Variants in RNASEL observed in about 807,000 individuals in gnomAD.
RNASEL encodes ribonuclease L.
Under a neutral mutation model 50.9 loss-of-function variants are expected in RNASEL, and 36 were observed. The observed-to-expected ratio is 0.71, with a 90% CI of 0.54 to 0.93. The LOEUF is 0.93. RNASEL is among the 40% of genes least tolerant of loss of function. The pLI, the probability that RNASEL is intolerant of heterozygous loss-of-function variation, is 0.00. For missense variants in RNASEL, 860 were observed against 894.5 expected (o/e 0.96, Z 0.49); for synonymous variants, 335 against 335.6 (o/e 1.00, Z 0.02).
rs1326812283 is a variant in RNASEL, at chr1:182,586,329, C to G, written c.478G>C (p.Asp160His). Residue 160 changes from aspartate (D) to histidine (H), a missense_variant, in exon 2 of 7, where the codon GAT becomes CAT. Physicochemically the swap from Asp to His is moderately conservative, Grantham distance 81. Transcript: ENST00000367559. ...NVNLRRKTKEDQERLRKGGAT... is the reference protein window; with the variant it reads ...NVNLRRKTKEHQERLRKGGAT... The stretch of plus-strand genomic sequence containing the variant: ...CCTCCTTTCCTCAGCCGCTCTTGAT[C>G]CTCCTTTGTCTTTCGCCTCAAATTC... 2 of 1,614,212 alleles carry G rather than the reference C, an allele frequency of 1.2e-6. No individual in the cohort carries two copies. The highest frequency in any genetic ancestry group is 3.3e-5 in the Admixed American group (2 of 60,020).
chr1:182,586,248 G>A lies in RNASEL; in HGVS notation c.559C>T (p.Leu187Phe). 1 of 1,614,170 alleles carries A rather than the reference G, an allele frequency of 6.2e-7. No individual in the cohort carries two copies. Among genetic ancestry groups the A allele is most frequent in the South Asian group, 1.1e-5 (1 of 91,086 alleles). The change falls in exon 2 of 7, where the codon CTC (leucine) becomes TTC (phenylalanine). Residue 187 changes from leucine (L) to phenylalanine (F), a missense_variant. By Grantham distance (22) the Leu-to-Phe change is conservative. Transcript: ENST00000367559. ...EKGHVEVLKI[L>F]LDEMGADVNA... ...ACATCTGCCCCCATCTCATCAAGGA[G>A]AATCTTCAAGACCTCTACGTGTCCT...
At position 182,586,336 on chromosome 1, in the gene RNASEL, T is replaced by G; in HGVS notation, c.471A>C (p.Thr157=). ...TCCTCAGCCGCTCTTGATCCTCCTTTGTCTTTCGCCTCAAATTCACATTTG... is the reference window on the plus strand; with the variant it reads ...TCCTCAGCCGCTCTTGATCCTCCTTGGTCTTTCGCCTCAAATTCACATTTG... ...RGANVNLRRK[T]KEDQERLRKG... The change falls in exon 2 of 7, where the codon ACA becomes ACC. Residue 157 remains threonine, a synonymous_variant. Transcript: ENST00000367559. 1 of 1,613,492 alleles carries G rather than the reference T, an allele frequency of 6.2e-7. No individual in the cohort carries two copies. Among genetic ancestry groups the G allele is most frequent in the South Asian group, 1.1e-5 (1 of 91,088 alleles).
In RNASEL at chr1:182,582,172, A is replaced by G. The variant is rs770065631; in HGVS notation, c.1653T>C (p.Val551=). The G allele has an allele frequency of 5.0e-6, 8 of 1,614,220 alleles. No individual in the cohort carries two copies. The highest frequency in any genetic ancestry group is 5.9e-6 in the Non-Finnish European group (7 of 1,180,040). The part of the protein sequence containing the change: ...DLKAQSNEEV[V]QLSPDEETKD... Reference sequence around the variant, plus strand: ...TAGTTTCCTCATCTGGAGAAAGTTGAACCACCTCTTCATTACTTTGAGCTT... The same window carrying G: ...TAGTTTCCTCATCTGGAGAAAGTTGGACCACCTCTTCATTACTTTGAGCTT... The change falls in exon 4 of 7, where the codon GTT becomes GTC. Residue 551 remains valine (V), a synonymous_variant. Coordinates refer to ENST00000367559, the MANE Select transcript of RNASEL (RefSeq NM_021133.4).
At chr1:182,585,222 C>A in intron 2 of RNASEL, 105 bp downstream of exon 2, 1 of 1,077,412 alleles carries the variant, frequency 9.3e-7, no homozygotes, top group Middle Eastern at 2.1e-4. Flanking sequence ...CAAATTGAAT[C>A]ATCCACATTT....
intron 1 of RNASEL, among the ~76,000 whole-genome samples, chr1:182,587,982 AC>A (rs1661632529): frequency 6.6e-6 from 1 of 152,230 alleles, no homozygotes; most frequent in Admixed American, 6.5e-5. Context: ...GACATTTAAC[AC>A]TTTATTATAA....
chr1:182,576,165 CT>C, intron 6 of RNASEL, 90 bp downstream of exon 6: 1 of 1,353,102 alleles, frequency 7.4e-7, no homozygotes, highest in Non-Finnish European at 1.0e-6. Context: ...AATAAATTTT[CT>C]TTTTTCCATC....
chr1:182,581,870 A>G (rs1661503784), intron 4 of RNASEL, among the ~76,000 whole-genome samples, 183 bp downstream of exon 4: 1 of 151,928 alleles, frequency 6.6e-6, no homozygotes, highest in African/African-American at 2.4e-5. Flanking sequence ...TCCCCTCCTT[A>G]TTCTTCAGAA....
At chr1:182,585,226 CA>C (rs1661568961) in intron 2 of RNASEL, 100 bp downstream of exon 2, 7 of 1,118,494 alleles carry the variant, frequency 6.3e-6, no homozygotes, top group Non-Finnish European at 7.9e-6. Context: ...TTGAATCATC[CA>C]CATTTACTCT....
Position 182,585,559 on chromosome 1 carries a change from G to T in RNASEL, c.1248C>A (p.His416Gln), listed in dbSNP as rs1466014202. ...SCLQSSRENS[H>Q]LVTFYGSESH... ...TCTCACTCCCATAGAATGTCACCAA[G>T]TGACTGTTCTCTCGGCTGCTTTGCA... The change falls in exon 2 of 7, where the codon CAC (histidine) becomes CAA (glutamine). Residue 416 changes from histidine to glutamine, a missense_variant. Physicochemically the swap from His to Gln is conservative, Grantham distance 24 (BLOSUM62 0). Transcript: ENST00000367559. The T allele has an allele frequency of 1.2e-6, 2 of 1,614,198 alleles. No individual in the cohort carries two copies. The highest frequency in any genetic ancestry group is 3.3e-5 in the Admixed American group (2 of 60,018).
intron 2 of RNASEL, 38 bp downstream of exon 2, chr1:182,585,289 C>T: frequency 6.2e-7 from 1 of 1,603,866 alleles, no homozygotes; most frequent in Non-Finnish European, 8.5e-7. Flanking sequence ...ACAAAGATCC[C>T]ACAATTTCTA....
In RNASEL at chr1:182,585,778, C is replaced by T. The variant is rs763357512; in HGVS notation, c.1029G>A (p.Trp343Ter). The change falls in exon 2 of 7, where the codon TGG (tryptophan) becomes TGA (stop). Residue 343 changes from tryptophan to a stop codon, truncating the protein, a stop_gained. Coordinates refer to ENST00000367559, the MANE Select transcript of RNASEL (RefSeq NM_021133.4). LOFTEE classifies it high-confidence loss of function. ...TGTGGAGATCCTTCAGGGCTGCCCCCCAGTGTGAGCTCTGAGGCTTCCAGT... is the reference window on the plus strand; with the variant it reads ...TGTGGAGATCCTTCAGGGCTGCCCCTCAGTGTGAGCTCTGAGGCTTCCAGT... ...AEDWKPQSSH[W>*]GAALKDLHRI... 4.3e-6 allele frequency: 7 copies of T among 1,614,076 alleles called. No homozygotes were observed. Among genetic ancestry groups the T allele is most frequent in the South Asian group, 2.2e-5 (2 of 91,076 alleles).
intron 4 of RNASEL, among the ~76,000 whole-genome samples, chr1:182,581,732 G>A (rs548530243): frequency 7.5e-4 from 114 of 151,862 alleles, no homozygotes; most frequent in African/African-American, 1.1e-3. Context: ...CACCCGCCTC[G>A]GCCTCCCAAA....
intron 3 of RNASEL, among the ~76,000 whole-genome samples, chr1:182,583,260 C>T (rs1435986608): frequency 6.6e-6 from 1 of 152,148 alleles, no homozygotes; most frequent in Non-Finnish European, 1.5e-5. Flanking sequence ...AGTAAGGGTC[C>T]ACAGTGACAG....
chr1:182,582,361 C>T (rs1028432271), intron 3 of RNASEL, 103 bp from the exon 4 acceptor site: 23 of 1,381,964 alleles, frequency 1.7e-5, no homozygotes, highest in Middle Eastern at 3.5e-4. Context: ...TGGGAGGAAT[C>T]TCAAGGAATT....
rs764686057 is a variant in RNASEL, at chr1:182,586,094, C to G, written c.713G>C (p.Arg238Thr). The G allele has an allele frequency of 4.3e-6, 7 of 1,614,146 alleles. No individual in the cohort carries two copies. The East Asian group carries it at 1.3e-4, about 31-fold the overall frequency. Reference sequence around the variant, plus strand: ...TGCCAGGATCAGGGGAGTCTTCCCTCTTTCTCCCCTCACATTGACATCAGC... The same window carrying G: ...TGCCAGGATCAGGGGAGTCTTCCCTGTTTCTCCCCTCACATTGACATCAGC... ...HGADVNVRGE[R>T]GKTPLILAVE... Residue 238 changes from arginine to threonine, a missense_variant, in exon 2 of 7, where the codon AGA becomes ACA. Coordinates refer to ENST00000367559, the MANE Select transcript of RNASEL (RefSeq NM_021133.4).
chr1:182,580,600 T>C (rs759627984), intron 5 of RNASEL, among the ~76,000 whole-genome samples: 2 of 152,224 alleles, frequency 1.3e-5, no homozygotes, highest in Non-Finnish European at 2.9e-5. Context: ...ATAATTGGTA[T>C]TGTATAGATG....
Position 182,575,199 on chromosome 1 carries a change from T to C in RNASEL, c.*193A>G. The C allele has an allele frequency of 1.6e-6, 1 of 608,242 alleles. No individual in the cohort carries two copies. 37.7% of individuals were successfully genotyped at this position (608,242 alleles called of 1,614,324 possible). A position where few individuals can be genotyped will look rare whatever the true frequency, so the allele number is the denominator to read the frequency against. On this transcript the variant is annotated 3_prime_UTR_variant, in exon 7 of 7. Transcript: ENST00000367559. ...CCTCCCAGTTAGTGGGTAAAGCTTA[T>C]GGACTAGTGTAGTCTGGGTATATAT...
At chr1:182,579,244 C>A (rs672018) in intron 5 of RNASEL, 10 of 985,472 alleles carry the variant, frequency 1.0e-5, no homozygotes, top group Non-Finnish European at 1.1e-5. Flanking sequence ...AGGTTACTTG[C>A]TTCTCCTTGC....
rs757657442 is a variant in RNASEL, at chr1:182,586,399, A to G, written c.408T>C (p.Gly136=). The change falls in exon 2 of 7, where the codon GGT becomes GGC. Residue 136 remains glycine (G), a synonymous_variant. Transcript: ENST00000367559. ...FTAFMEAAVY[G]KVKALKFLYK... ...AAAGGAATTTTAGGGCTTTGACCTT[A>G]CCATACACAGCGGCTTCCATGAAGG... The G allele has an allele frequency of 2.5e-6, 4 of 1,614,178 alleles. No homozygotes were observed. The South Asian group carries it at 4.4e-5, about 18-fold the overall frequency.
Sources: gnomAD v4.1 joint callset for allele counts (sites outside exome capture counted in the v4.1 genomes callset) on GRCh38, gnomAD v4.1.1 for gene constraint, MANE v1.5 for transcripts, NCBI Gene and HGNC (gene_info 2026-07-23, HGNC 2026-07-21) for gene names.